The following TFEB variants were observed in gnomAD, a reference collection of about 807,000 sequenced individuals.
TFEB encodes transcription factor EB, also known as T-cell transcription factor EB.
A neutral mutation model predicts 48.0 loss-of-function variants in TFEB; 12 were observed. The ratio of observed to expected loss-of-function variants is 0.25; its 90% CI spans 0.16 to 0.40. The LOEUF (loss-of-function observed/expected upper bound fraction) is 0.40, where lower values mean the gene tolerates loss of function less well. Ranked by LOEUF, TFEB falls within the 10% of genes least tolerant of loss-of-function variation. TFEB has a pLI of 1.00. For synonymous variants in TFEB, 244 were observed against 261.4 expected, an observed-to-expected ratio of 0.93 and a Z score of 0.64; for missense variants, 509 against 640.3, an observed-to-expected ratio of 0.79 and a Z score of 2.21.
chr6:41,690,749 C>T lies in TFEB; in HGVS notation c.382G>A (p.Gly128Arg). ...PPAASPGVRAGHVLSSSAGNS... is the reference protein window; with the variant it reads ...PPAASPGVRARHVLSSSAGNS... The stretch of plus-strand genomic sequence containing the variant: ...CCAGCGGAGGAGGACAGCACGTGTC[C>T]AGCTCGCACCCCTGGGGAGGCGGCT... The change falls in exon 3 of 9, where the codon GGA (glycine) becomes AGA (arginine). Residue 128 changes from glycine to arginine, a missense_variant. Gly to Arg is a moderately radical substitution (Grantham distance 125, BLOSUM62 -2). Coordinates refer to ENST00000373033, the MANE Select transcript of TFEB (RefSeq NM_001271944.2). 6.2e-7 allele frequency: 1 copy of T among 1,604,688 alleles called. No individual in the cohort carries two copies. Among genetic ancestry groups the T allele is most frequent in the Non-Finnish European group, 8.5e-7 (1 of 1,174,192 alleles).
chr6:41,702,711 C>G (rs889925752), intron 1 of TFEB, among the ~76,000 whole-genome samples: 1 of 152,214 alleles, frequency 6.6e-6, no homozygotes, highest in African/African-American at 2.4e-5. Context: ...TTGGGGCCCA[C>G]AAGCTCTGAC....
At chr6:41,733,934 T>A in intron 1 of TFEB, 1 of 970,706 alleles carries the variant, frequency 1.0e-6, no homozygotes, top group South Asian at 4.8e-5. Flanking sequence ...GCCAATGGAA[T>A]CTCGGCCAGG....
intron 1 of TFEB, among the ~76,000 whole-genome samples, chr6:41,719,436 T>TG (rs1408160432): frequency 3.3e-5 from 5 of 152,216 alleles, no homozygotes; most frequent in Non-Finnish European, 5.9e-5. Flanking sequence ...CCAAAAAGGT[T>TG]GGGGACCGCT....
chr6:41,695,337 C>T (rs977342032), intron 1 of TFEB, among the ~76,000 whole-genome samples: 4 of 152,198 alleles, frequency 2.6e-5, no homozygotes, highest in African/African-American at 9.7e-5. Context: ...TATGAACCAG[C>T]CCATGAATCA....
chr6:41,727,573 TC>T (rs1353929699), intron 1 of TFEB, among the ~76,000 whole-genome samples: 1 of 152,190 alleles, frequency 6.6e-6, no homozygotes, highest in Non-Finnish European at 1.5e-5. Flanking sequence ...GTGCCTCTGG[TC>T]CCAGCTACTT....
At chr6:41,697,141 C>A (rs989429825) in intron 1 of TFEB, among the ~76,000 whole-genome samples, 1 of 151,260 alleles carries the variant, frequency 6.6e-6, no homozygotes, top group Admixed American at 6.6e-5. Context: ...GGCATGGTGG[C>A]TCACGCCTGT....
chr6:41,689,283 C>T (rs1366471646), intron 4 of TFEB, among the ~76,000 whole-genome samples: 1 of 152,132 alleles, frequency 6.6e-6, no homozygotes, highest in African/African-American at 2.4e-5. Context: ...GATCACTTGC[C>T]CCATGGAGTA....
chr6:41,710,591 A>G (rs1440993554), intron 1 of TFEB, among the ~76,000 whole-genome samples: 1 of 152,198 alleles, frequency 6.6e-6, no homozygotes, highest in Non-Finnish European at 1.5e-5. Flanking sequence ...AAACAGATGG[A>G]GCAACATAGA....
intron 1 of TFEB, among the ~76,000 whole-genome samples, chr6:41,715,584 C>G (rs1770701732): frequency 6.6e-6 from 1 of 151,710 alleles, no homozygotes; most frequent in Non-Finnish European, 1.5e-5. Context: ...GCAGGAGAAT[C>G]GCTTGAACCC....
Position 41,724,097 on chromosome 6 carries a change from C to G in TFEB, c.-23+11253G>C, listed in dbSNP as rs1463770240. ...AATGGAGCCTGAGATCAAGCAGAGC[C>G]CTGGGCAGCTCCGGGAAGATCCACA... On this transcript the variant is annotated intron_variant, in intron 1 of 8. Coordinates refer to ENST00000373033, the MANE Select transcript of TFEB (RefSeq NM_001271944.2). The surrounding 1 kb of genome is among the most constrained non-coding windows in gnomAD (Gnocchi z 4.4). Among the ~76,000 whole-genome samples, 1 of 151,330 alleles carries G rather than the reference C, an allele frequency of 6.6e-6. No individual in the cohort carries two copies. Among genetic ancestry groups the G allele is most frequent in the Non-Finnish European group, 1.5e-5 (1 of 67,808 alleles).
rs145682823 is a variant in TFEB at position 41,728,369 on chromosome 6, C to T, written c.-23+6981G>A. 7.9e-4 allele frequency among the ~76,000 whole-genome samples: 120 copies of T among 152,290 alleles called. 3 individuals are homozygous for T. The East Asian group carries it at 0.022, about 28-fold the overall frequency. On this transcript the variant is annotated intron_variant, in intron 1 of 8. Coordinates refer to ENST00000373033, the MANE Select transcript of TFEB (RefSeq NM_001271944.2). Reference sequence around the variant, plus strand: ...CCTCTTGACAACATGGGGGCAGCGCCAGCTGCCCTCTGACACCCCCAGCTC... The same window carrying T: ...CCTCTTGACAACATGGGGGCAGCGCTAGCTGCCCTCTGACACCCCCAGCTC...
In TFEB at chr6:41,684,018, C is replaced by G; in HGVS notation, c.*581G>C. The G allele has an allele frequency of 4.4e-6, 1 of 225,218 alleles. No homozygotes were observed. Among genetic ancestry groups the G allele is most frequent in the Non-Finnish European group, 8.9e-6 (1 of 112,784 alleles). The allele number at this position is 225,218 out of a possible 1,614,324, so 14.0% of individuals were successfully genotyped here. ...TTACTAAAGGCACAAAGTGAGGGGTCGGAGGGCAGCTGCTCTTCCGGCAGT... is the reference window on the plus strand; with the variant it reads ...TTACTAAAGGCACAAAGTGAGGGGTGGGAGGGCAGCTGCTCTTCCGGCAGT... On this transcript the variant is annotated 3_prime_UTR_variant, in exon 9 of 9. Transcript: ENST00000373033.
At chr6:41,689,699 T>A in intron 4 of TFEB, 32 bp downstream of exon 4, 3 of 1,519,168 alleles carry the variant, frequency 2.0e-6, no homozygotes, top group Non-Finnish European at 1.8e-6. Context: ...CCTAGAACCC[T>A]TGCACACCCA....
chr6:41,732,760 A>G, intron 1 of TFEB: 1 of 985,906 alleles, frequency 1.0e-6, no homozygotes, highest in South Asian at 4.7e-5. Context: ...ATATATGTTC[A>G]CTGCGTCCTG....
rs553829870 is a variant in TFEB, at chr6:41,723,574, C to G, written c.-23+11776G>C. On this transcript the variant is annotated intron_variant, in intron 1 of 8. Coordinates refer to ENST00000373033, the MANE Select transcript of TFEB (RefSeq NM_001271944.2). The surrounding 1 kb of genome is among the most constrained non-coding windows in gnomAD (Gnocchi z 6.0). The stretch of plus-strand genomic sequence containing the variant: ...GCCGGGCTCAGTTTCCTCATTTCCC[C>G]GGCGGCTGCTGTTTCTCACCCAGCC... 4.4e-5 allele frequency: 55 copies of G among 1,249,654 alleles called. No homozygotes were observed. The highest frequency in any genetic ancestry group is 2.2e-4 in the Middle Eastern group (1 of 4,486). The allele number at this position is 1,249,654 out of a possible 1,614,324, so 77.4% of individuals were successfully genotyped here.
chr6:41,703,739 T>C (rs952578699), intron 1 of TFEB, among the ~76,000 whole-genome samples: 2 of 152,240 alleles, frequency 1.3e-5, no homozygotes, highest in Admixed American at 6.5e-5. Context: ...GAGGCATTAG[T>C]ACTATGCACA....
intron 1 of TFEB, among the ~76,000 whole-genome samples, chr6:41,708,264 A>C (rs57636602): frequency 0.06 from 9,110 of 152,256 alleles, 872 homozygotes; most frequent in African/African-American, 0.2. Context: ...CTGCCTGGGG[A>C]AGCCTCTTGG....
At chr6:41,686,800 G>A in intron 7 of TFEB, 1 of 462,120 alleles carries the variant, frequency 2.2e-6, no homozygotes, top group Non-Finnish European at 4.0e-6. Flanking sequence ...ATAGGCGTGA[G>A]CCCGGCCTCT....
At chr6:41,697,042 G>A (rs1162301542) in intron 1 of TFEB, among the ~76,000 whole-genome samples, 1 of 152,128 alleles carries the variant, frequency 6.6e-6, no homozygotes, top group Non-Finnish European at 1.5e-5. Flanking sequence ...ACAATAATTT[G>A]TACAGCTGCT....
Sources: gnomAD v4.1 joint callset for allele counts (sites outside exome capture counted in the v4.1 genomes callset) on GRCh38, gnomAD v4.1.1 for gene constraint, Gnocchi (gnomAD v3.1) non-coding constraint, MANE v1.5 for transcripts, NCBI Gene and HGNC (gene_info 2026-07-23, HGNC 2026-07-21) for gene names.